The following CPVL variants were observed in gnomAD, a reference collection of about 807,000 sequenced individuals.
The protein encoded by CPVL is probable serine carboxypeptidase CPVL.
In CPVL, 51 loss-of-function variants were observed where a neutral mutation model predicts 63.7. The ratio of observed to expected loss-of-function variants is 0.80; its 90% confidence interval spans 0.64 to 1.01. CPVL has a LOEUF of 1.01. Ranked by LOEUF, CPVL falls within the 50% of genes least tolerant of loss-of-function variation. The pLI is 0.00. For synonymous variants in CPVL, 195 were observed against 206.0 expected (o/e 0.95, Z 0.46); for missense variants, 530 against 573.1 (o/e 0.92, Z 0.77).
intron 12 of CPVL, among the ~76,000 whole-genome samples, chr7:29,018,405 G>T (rs2648653): frequency 7.0e-6 from 1 of 142,532 alleles, no homozygotes; most frequent in African/African-American, 2.7e-5. Flanking sequence ...TTGAGACAGG[G>T]TCTCACTCTG....
intron 12 of CPVL, among the ~76,000 whole-genome samples, chr7:28,997,684 G>A (rs317699): frequency 0.092 from 13,871 of 150,684 alleles, 656 homozygotes; most frequent in South Asian, 0.13. Flanking sequence ...TGCAAACACC[G>A]GTGTGGTGTT....
intron 12 of CPVL, among the ~76,000 whole-genome samples, chr7:29,017,916 C>G (rs1027924583): frequency 1.3e-5 from 2 of 152,220 alleles, no homozygotes; most frequent in Admixed American, 6.5e-5. Context: ...TAGGATACTT[C>G]AGGGAAGTCA....
upstream of CPVL, chr7:29,147,021 T>A (rs2128682472): frequency 6.5e-7 from 1 of 1,546,690 alleles, no homozygotes; most frequent in Admixed American, 2.0e-5. Flanking sequence ...TGCGCTGGAG[T>A]CTCAGAGCCA....
chr7:29,172,656 T>A (rs115394025), intron 5 of CPVL, among the ~76,000 whole-genome samples: 1,568 of 152,358 alleles, frequency 0.01, 25 homozygotes, highest in African/African-American at 0.035. Context: ...TTCCTTTTTT[T>A]AAATATTAAT....
chr7:29,071,720 C>A (rs1562753757), intron 9 of CPVL, 53 bp downstream of exon 9: 11 of 1,140,076 alleles, frequency 9.6e-6, no homozygotes, highest in East Asian at 3.3e-5. Flanking sequence ...CCCGCCCTCC[C>A]TCCCCAGATG....
chr7:29,030,312 C>T (rs1376529421), intron 12 of CPVL, among the ~76,000 whole-genome samples: 1 of 152,182 alleles, frequency 6.6e-6, no homozygotes, highest in Non-Finnish European at 1.5e-5. Context: ...TAATGATTTG[C>T]CTCTTTGGAC....
chr7:29,159,274 G>A (rs1794851648), intron 5 of CPVL, among the ~76,000 whole-genome samples: 1 of 152,174 alleles, frequency 6.6e-6, no homozygotes, highest in Non-Finnish European at 1.5e-5. Context: ...CACAGAAGAG[G>A]TCACGTGGTT....
intron 11 of CPVL, among the ~76,000 whole-genome samples, chr7:29,031,217 G>A (rs766683670): frequency 3.9e-5 from 6 of 152,166 alleles, no homozygotes; most frequent in African/African-American, 9.7e-5. Flanking sequence ...CTCCTACATT[G>A]ATTTCAGTAG....
At chr7:29,195,257 G>C (rs2128761930) in exon 1 of CPVL, 1 of 410,734 alleles carries the variant, frequency 2.4e-6, no homozygotes, top group Non-Finnish European at 4.3e-6. Flanking sequence ...GGAGTGCAGC[G>C]AGCGAAAAGC....
At chr7:29,147,898 G>C (rs1792982805), upstream of CPVL, among the ~76,000 whole-genome samples, 3 of 152,220 alleles carry the variant, frequency 2.0e-5, no homozygotes, top group Admixed American at 1.3e-4. Flanking sequence ...TGAAAGGCCA[G>C]ATTGAAACTT....
At chr7:29,004,782 A>C (rs1785008510) in intron 12 of CPVL, among the ~76,000 whole-genome samples, 2 of 152,246 alleles carry the variant, frequency 1.3e-5, no homozygotes, top group Admixed American at 6.5e-5. Flanking sequence ...AAAAAGGGTC[A>C]GGCAATCTGG....
At chr7:29,022,755 C>G (rs932796406) in intron 12 of CPVL, among the ~76,000 whole-genome samples, 4 of 152,236 alleles carry the variant, frequency 2.6e-5, no homozygotes, top group African/African-American at 4.8e-5. Flanking sequence ...GCTCACCTGG[C>G]CCCACCCTCA....
At chr7:29,148,784 G>T (rs1448701717), upstream of CPVL, 1 of 152,312 alleles carries the variant, frequency 6.6e-6, no homozygotes, top group Non-Finnish European at 1.5e-5. Flanking sequence ...TTGTGGGGAA[G>T]GGATGAAGGG....
intron 1 of CPVL, among the ~76,000 whole-genome samples, chr7:29,134,437 A>G (rs1300284044): frequency 4.6e-5 from 7 of 152,234 alleles, no homozygotes; most frequent in Admixed American, 1.3e-4. Context: ...GTATTTGAGC[A>G]AAGCCTCCAA....
chr7:29,101,366 TG>T (rs1227896226), intron 3 of CPVL, among the ~76,000 whole-genome samples: 2 of 152,350 alleles, frequency 1.3e-5, no homozygotes, highest in East Asian at 3.9e-4. Context: ...TTTGGGAGGC[TG>T]AGGCGGGTGG....
intron 7 of CPVL, among the ~76,000 whole-genome samples, 182 bp downstream of exon 7, chr7:29,086,301 AT>A (rs67563466): frequency 0.4 from 59,813 of 150,690 alleles, 12,920 homozygotes; most frequent in East Asian, 0.61. Flanking sequence ...CTAAAAAAAA[AT>A]ATATATATAT....
At chr7:29,098,163 T>C (rs1232994360) in intron 3 of CPVL, among the ~76,000 whole-genome samples, 1 of 151,946 alleles carries the variant, frequency 6.6e-6, no homozygotes, top group African/African-American at 2.4e-5. Context: ...AAGGTCTGAG[T>C]GGATGCGTTC....
intron 5 of CPVL, among the ~76,000 whole-genome samples, 175 bp downstream of exon 5, chr7:29,094,909 T>C (rs936768713): frequency 6.6e-6 from 1 of 151,974 alleles, no homozygotes; most frequent in Non-Finnish European, 1.5e-5. Flanking sequence ...AACTCCGATA[T>C]GATTATACAT....
intron 12 of CPVL, among the ~76,000 whole-genome samples, chr7:29,015,472 G>T (rs1385565875): frequency 1.3e-5 from 2 of 152,078 alleles, no homozygotes; most frequent in African/African-American, 2.4e-5. Context: ...GAGTTCTCAC[G>T]AGATCTTGTC....
Sources: allele counts gnomAD v4.1 joint callset (sites outside exome capture counted in the v4.1 genomes callset), GRCh38; gene constraint gnomAD v4.1.1; transcripts MANE v1.5; gene names NCBI Gene and HGNC (gene_info 2026-07-23, HGNC 2026-07-21).